The following PRIMA1 variants were observed in gnomAD, a reference collection of about 807,000 sequenced individuals.
The protein encoded by PRIMA1 is proline rich membrane anchor 1.
A neutral mutation model predicts 17.5 loss-of-function variants in PRIMA1; 7 were observed. That is an observed-to-expected ratio of 0.40 (90% CI 0.23 to 0.75). The LOEUF is 0.75. PRIMA1 is among the 30% of genes least tolerant of loss of function. PRIMA1 has a pLI of 0.37. For synonymous variants in PRIMA1, 97 were observed against 77.9 expected, an observed-to-expected ratio of 1.25 and a Z score of -1.29; for missense variants, 200 against 201.8, an observed-to-expected ratio of 0.99 and a Z score of 0.05.
chr14:93,727,825 C>G (rs187219468), intron 4 of PRIMA1, among the ~76,000 whole-genome samples: 1 of 151,260 alleles, frequency 6.6e-6, no homozygotes, highest in Non-Finnish European at 1.5e-5. Context: ...TCACAAAAGG[C>G]CTTCATTGGT....
chr14:93,727,379 C>A (rs1317451236), intron 4 of PRIMA1, among the ~76,000 whole-genome samples: 1 of 152,204 alleles, frequency 6.6e-6, no homozygotes, highest in Non-Finnish European at 1.5e-5. Flanking sequence ...CTTCCCAGCC[C>A]GGAGGCTGAA....
intron 3 of PRIMA1, among the ~76,000 whole-genome samples, chr14:93,748,387 G>A (rs1369249535): frequency 6.6e-6 from 1 of 152,206 alleles, no homozygotes; most frequent in Non-Finnish European, 1.5e-5. Flanking sequence ...AAACGGCCAG[G>A]AGAGACGCTT....
intron 4 of PRIMA1, among the ~76,000 whole-genome samples, chr14:93,727,205 G>T (rs1200803624): frequency 2.0e-5 from 3 of 152,224 alleles, no homozygotes; most frequent in Non-Finnish European, 4.4e-5. Context: ...CTGAGCTGCG[G>T]CGGAACTGGC....
intron 3 of PRIMA1, among the ~76,000 whole-genome samples, chr14:93,768,809 C>CTTT (rs34349782): frequency 4.3e-5 from 6 of 138,838 alleles, no homozygotes; most frequent in South Asian, 2.3e-4. Context: ...CACTTTTTTT[C>CTTT]TTTTTTTTTT....
At chr14:93,780,472 C>T (rs1339949886) in intron 2 of PRIMA1, among the ~76,000 whole-genome samples, 8 of 152,218 alleles carry the variant, frequency 5.3e-5, no homozygotes, top group South Asian at 2.1e-4. Flanking sequence ...CCACAATCCA[C>T]GCCTCTTGAA....
At chr14:93,730,107 ACAAGCCTC>A (rs1395596633) in intron 4 of PRIMA1, among the ~76,000 whole-genome samples, 1 of 152,218 alleles carries the variant, frequency 6.6e-6, no homozygotes, top group African/African-American at 2.4e-5. Context: ...GTCTGTGGGA[ACAAGCCTC>A]CATTCACACC....
intron 3 of PRIMA1, among the ~76,000 whole-genome samples, chr14:93,755,599 C>T (rs2076285919): frequency 6.6e-6 from 1 of 152,214 alleles, no homozygotes; most frequent in East Asian, 1.9e-4. Context: ...GGGCACTGGA[C>T]TGCCTGGTGG....
chr14:93,773,692 G>C (rs542560837), intron 3 of PRIMA1, among the ~76,000 whole-genome samples: 51 of 152,334 alleles, frequency 3.3e-4, no homozygotes, highest in African/African-American at 1.0e-3. Flanking sequence ...CAGGGCGCAG[G>C]GTAGGGCTGC....
intron 3 of PRIMA1, among the ~76,000 whole-genome samples, chr14:93,764,549 TCA>T (rs1481706782): frequency 6.6e-6 from 1 of 152,108 alleles, no homozygotes; most frequent in African/African-American, 2.4e-5. Flanking sequence ...TGCGTCATCC[TCA>T]GTCTGTGACC....
intron 3 of PRIMA1, among the ~76,000 whole-genome samples, chr14:93,774,316 G>A (rs371259725): frequency 6.6e-6 from 1 of 152,110 alleles, no homozygotes; most frequent in Non-Finnish European, 1.5e-5. Flanking sequence ...CAGGACAAGC[G>A]GGTCACCCTG....
chr14:93,750,186 TAA>T (rs879841019), intron 3 of PRIMA1, among the ~76,000 whole-genome samples: 1 of 147,690 alleles, frequency 6.8e-6, no homozygotes, highest in Non-Finnish European at 1.5e-5. Context: ...AGACTCCGTC[TAA>T]AAAAAAAAAT....
chr14:93,763,910 G>A (rs531566484), intron 3 of PRIMA1, among the ~76,000 whole-genome samples: 4 of 152,100 alleles, frequency 2.6e-5, no homozygotes, highest in Non-Finnish European at 5.9e-5. Context: ...AGAGGCACCA[G>A]CCAATGCCTC....
intron 3 of PRIMA1, among the ~76,000 whole-genome samples, chr14:93,740,209 AT>A (rs2076176358): frequency 6.6e-6 from 1 of 152,224 alleles, no homozygotes; most frequent in African/African-American, 2.4e-5. Flanking sequence ...AGAATATAGC[AT>A]TGAAAATAGG....
intron 4 of PRIMA1, among the ~76,000 whole-genome samples, chr14:93,735,324 C>T (rs12432999): frequency 0.14 from 20,716 of 152,240 alleles, 1,639 homozygotes; most frequent in African/African-American, 0.22. Flanking sequence ...GTCAGGCTCA[C>T]GGCTTCCCAG....
chr14:93,721,610 C>A, intron 4 of PRIMA1, 64 bp from the exon 5 acceptor site: 39 of 959,562 alleles, frequency 4.1e-5, no homozygotes, highest in Non-Finnish European at 5.8e-5. Context: ...CATTAGTTAT[C>A]ACTGATGGTG....
chr14:93,786,159 T>C (rs149153332), intron 2 of PRIMA1, among the ~76,000 whole-genome samples: 81 of 152,282 alleles, frequency 5.3e-4, no homozygotes, highest in African/African-American at 1.9e-3. Context: ...AAAAACGAAG[T>C]GAACTCAATA....
At chr14:93,725,956 C>T (rs934241822) in intron 4 of PRIMA1, 2 of 456,422 alleles carry the variant, frequency 4.4e-6, no homozygotes, top group African/African-American at 2.0e-5. Flanking sequence ...GGCATTTCCA[C>T]CCTGGTCCAG....
chr14:93,730,020 C>A (rs1360914795), intron 4 of PRIMA1, among the ~76,000 whole-genome samples: 1 of 152,140 alleles, frequency 6.6e-6, no homozygotes, highest in Non-Finnish European at 1.5e-5. Context: ...CGATTTCACT[C>A]ACCCAGATAG....
At chr14:93,727,494 G>A (rs1346666153) in intron 4 of PRIMA1, among the ~76,000 whole-genome samples, 1 of 152,196 alleles carries the variant, frequency 6.6e-6, no homozygotes, top group African/African-American at 2.4e-5. Context: ...AATGGTGCTG[G>A]GGGATGGAGA....
Sources: gnomAD v4.1 joint callset for allele counts (sites outside exome capture counted in the v4.1 genomes callset) on GRCh38, gnomAD v4.1.1 for gene constraint, MANE v1.5 for transcripts, NCBI Gene and HGNC (gene_info 2026-07-23, HGNC 2026-07-21) for gene names.